The following LRP1B variants were observed in gnomAD, a reference collection of about 807,000 sequenced individuals.
The protein encoded by LRP1B is LDL receptor related protein 1B.
Under a neutral mutation model 556.6 loss-of-function variants are expected in LRP1B, and 217 were observed. That is an observed-to-expected ratio of 0.39 (90% confidence interval 0.35 to 0.44). LRP1B has a LOEUF of 0.44. Ranked by LOEUF, LRP1B falls within the 20% of genes least tolerant of loss-of-function variation. The pLI, the probability that LRP1B is intolerant of heterozygous loss-of-function variation, is 1.00. For missense variants in LRP1B, 5,053 were observed against 5,620.8 expected, an observed-to-expected ratio of 0.90 and a Z score of 3.23; for synonymous variants, 2,047 against 1,865.8, an observed-to-expected ratio of 1.10 and a Z score of -2.50.
intron 7 of LRP1B, 99 bp downstream of exon 7, chr2:141,188,322 G>T: frequency 8.6e-7 from 1 of 1,166,514 alleles, no homozygotes; most frequent in Non-Finnish European, 1.2e-6. Flanking sequence ...AAAAGTTTGA[G>T]TCTGTAGTCT....
chr2:141,271,784 A>AAC (rs1553485933), intron 3 of LRP1B, among the ~76,000 whole-genome samples: 3 of 148,102 alleles, frequency 2.0e-5, no homozygotes, highest in Non-Finnish European at 1.5e-5. Context: ...AAAAAAAAAA[A>AAC]CCCAGGATTG....
At chr2:141,011,961 T>C (rs188213356) in intron 14 of LRP1B, among the ~76,000 whole-genome samples, 1 of 152,138 alleles carries the variant, frequency 6.6e-6, no homozygotes, top group East Asian at 1.9e-4. Flanking sequence ...ATTGTAGGGG[T>C]AAGTTACCTA....
At chr2:141,596,567 C>T (rs775020678) in intron 2 of LRP1B, among the ~76,000 whole-genome samples, 1 of 151,934 alleles carries the variant, frequency 6.6e-6, no homozygotes, top group Admixed American at 6.6e-5. Context: ...TTCAACATAA[C>T]CACAAATGCA....
chr2:141,255,726 T>C (rs1223365764), intron 3 of LRP1B, among the ~76,000 whole-genome samples: 1 of 151,964 alleles, frequency 6.6e-6, no homozygotes, highest in Middle Eastern at 3.4e-3. Context: ...CAGAAGAGAT[T>C]TTCCAGATTT....
Position 141,956,040 on chromosome 2 carries a change from TAA to T in LRP1B, c.83-145641_83-145640del, listed in dbSNP as rs5834882. Among the ~76,000 whole-genome samples the T allele has an allele frequency of 2.5e-4, 38 of 149,782 alleles. 1 individual carries two copies. The highest frequency in any genetic ancestry group is 8.3e-4 in the African/African-American group (34 of 40,770). On this transcript the variant is annotated intron_variant, in intron 1 of 90. Coordinates refer to ENST00000389484, the MANE Select transcript of LRP1B (RefSeq NM_018557.3). ...GCAACATAGTGAGACCCACATCTCT[TAA>T]AAAAAAAAATCCCTGAAGTTATCTT...
chr2:141,233,534 G>T (rs562786136), intron 5 of LRP1B, among the ~76,000 whole-genome samples: 79 of 152,186 alleles, frequency 5.2e-4, no homozygotes, highest in South Asian at 1.5e-3. Flanking sequence ...AACTTGGAAA[G>T]GCTTATTTGA....
intron 41 of LRP1B, among the ~76,000 whole-genome samples, chr2:140,680,074 T>A (rs1685809187): frequency 6.6e-6 from 1 of 152,086 alleles, no homozygotes; most frequent in South Asian, 2.1e-4. Flanking sequence ...ACACCCTACG[T>A]CTGATCCAAT....
intron 27 of LRP1B, among the ~76,000 whole-genome samples, chr2:140,858,530 A>AG (rs1692689518): frequency 4.6e-5 from 4 of 86,408 alleles, no homozygotes; most frequent in African/African-American, 9.8e-5. Context: ...GAGAGAGAGA[A>AG]AGGAAAGAGA....
intron 3 of LRP1B, among the ~76,000 whole-genome samples, chr2:141,278,826 C>T (rs189838512): frequency 2.8e-4 from 43 of 152,244 alleles, no homozygotes; most frequent in Admixed American, 1.2e-3. Flanking sequence ...TGAGTTGATA[C>T]CCTTTCCTTA....
At chr2:140,342,712 C>T (rs1206980873) in intron 77 of LRP1B, among the ~76,000 whole-genome samples, 2 of 151,504 alleles carry the variant, frequency 1.3e-5, no homozygotes, top group African/African-American at 4.8e-5. Flanking sequence ...ATAGAAATCC[C>T]TACTCAATCA....
At chr2:140,277,906 T>C (rs1410382564) in intron 84 of LRP1B, among the ~76,000 whole-genome samples, 1 of 151,922 alleles carries the variant, frequency 6.6e-6, no homozygotes, top group African/African-American at 2.4e-5. Flanking sequence ...AGCATGCACA[T>C]GTATGTCAAG....
intron 66 of LRP1B, among the ~76,000 whole-genome samples, chr2:140,422,570 T>C (rs183247233): frequency 1.3e-5 from 2 of 152,118 alleles, no homozygotes; most frequent in Non-Finnish European, 2.9e-5. Context: ...AATGGAATAA[T>C]TTGGCCAAAA....
At chr2:141,094,350 T>C (rs1047802273) in intron 7 of LRP1B, among the ~76,000 whole-genome samples, 3 of 152,222 alleles carry the variant, frequency 2.0e-5, no homozygotes, top group African/African-American at 4.8e-5. Flanking sequence ...CTTATAACTA[T>C]ATTATTTAAA....
intron 41 of LRP1B, among the ~76,000 whole-genome samples, chr2:140,648,129 G>A (rs138177667): frequency 0.018 from 2,675 of 152,254 alleles, 44 homozygotes; most frequent in Admixed American, 0.047. Context: ...ATGAGTTCAC[G>A]TCCTTTGTAG....
intron 41 of LRP1B, among the ~76,000 whole-genome samples, chr2:140,695,165 C>G (rs1162760690): frequency 6.6e-6 from 1 of 151,686 alleles, no homozygotes; most frequent in Non-Finnish European, 1.5e-5. Context: ...TTTTTAACCT[C>G]TCTTTTAGTA....
intron 77 of LRP1B, among the ~76,000 whole-genome samples, chr2:140,342,666 C>G (rs1007054239): frequency 6.6e-6 from 1 of 151,474 alleles, no homozygotes; most frequent in Non-Finnish European, 1.5e-5. Flanking sequence ...ACTCCATACT[C>G]ACGTATACGT....
At chr2:140,714,135 T>C (rs547285470) in intron 37 of LRP1B, among the ~76,000 whole-genome samples, 91 of 152,132 alleles carry the variant, frequency 6.0e-4, no homozygotes, top group Non-Finnish European at 1.0e-3. Flanking sequence ...TCATTGTGAA[T>C]AGAGGCAACA....
chr2:140,407,499 C>T (rs1370873415), intron 66 of LRP1B, among the ~76,000 whole-genome samples: 1 of 151,658 alleles, frequency 6.6e-6, no homozygotes, highest in African/African-American at 2.4e-5. Context: ...ACAAATAATC[C>T]CATTAAAAAG....
In LRP1B at chr2:141,484,137, G is replaced by C. The variant is rs574136794; in HGVS notation, c.206-3604C>G. ...TTTAATCCATCTTGAATTAATTTTT[G>C]TATAAGGTGTAAGTAAGGGATCCAG... On this transcript the variant is annotated intron_variant, in intron 2 of 90. Coordinates refer to ENST00000389484, the MANE Select transcript of LRP1B (RefSeq NM_018557.3). Among the ~76,000 whole-genome samples the C allele has an allele frequency of 4.4e-3, 665 of 150,530 alleles. 9 individuals are homozygous for C. Among genetic ancestry groups the C allele is most frequent in the African/African-American group, 0.014 (595 of 41,138 alleles).
Sources: allele counts gnomAD v4.1 joint callset (sites outside exome capture counted in the v4.1 genomes callset), GRCh38; gene constraint gnomAD v4.1.1; transcripts MANE v1.5; gene names NCBI Gene and HGNC (gene_info 2026-07-23, HGNC 2026-07-21).